The following KHDRBS2 variants were observed in gnomAD, a reference collection of about 807,000 sequenced individuals.
KHDRBS2 encodes KH RNA binding domain containing, signal transduction associated 2, also known as KH domain-containing, RNA-binding, signal transduction-associated protein 2.
A neutral mutation model predicts 44.3 loss-of-function variants in KHDRBS2; 26 were observed. That is an observed-to-expected ratio of 0.59 (90% CI 0.43 to 0.81). The LOEUF (loss-of-function observed/expected upper bound fraction) is 0.81, where lower values mean the gene tolerates loss of function less well. Ranked by LOEUF, KHDRBS2 falls within the 40% of genes least tolerant of loss-of-function variation. The pLI, the probability that KHDRBS2 is intolerant of heterozygous loss-of-function variation, is 0.00. For missense variants in KHDRBS2, 476 were observed against 433.1 expected (o/e 1.10, Z -0.88); for synonymous variants, 194 against 151.1 (o/e 1.28, Z -2.08).
chr6:61,565,998 GGTGTGTGTGTGT>G, the KHDRBS2 span, among the ~76,000 whole-genome samples: 1 of 148,864 alleles, frequency 6.7e-6, no homozygotes, highest in Non-Finnish European at 1.5e-5. Flanking sequence ...AAGAAAATGT[GGTGTGTGTGTGT>G]GTGTGTGTGT....
intron 2 of KHDRBS2, among the ~76,000 whole-genome samples, chr6:62,088,034 C>A (rs1416735352): frequency 6.6e-6 from 1 of 152,170 alleles, no homozygotes; most frequent in Non-Finnish European, 1.5e-5. Context: ...CTGTGTTTTT[C>A]AGCTCCATCA....
chr6:62,167,835 T>C, intron 2 of KHDRBS2, among the ~76,000 whole-genome samples: 1 of 152,194 alleles, frequency 6.6e-6, no homozygotes, highest in Admixed American at 6.6e-5. Flanking sequence ...ATATTTGGCT[T>C]TGAGTCGTAG....
chr6:62,271,271 G>C (rs1438818209), intron 1 of KHDRBS2, among the ~76,000 whole-genome samples: 1 of 152,082 alleles, frequency 6.6e-6, no homozygotes, highest in Non-Finnish European at 1.5e-5. Context: ...CAATGGAGCT[G>C]AAAAACTCCT....
chr6:61,797,071 A>G (rs1431255841), intron 6 of KHDRBS2, among the ~76,000 whole-genome samples: 1 of 152,174 alleles, frequency 6.6e-6, no homozygotes, highest in African/African-American at 2.4e-5. Flanking sequence ...CTGGTTTAAT[A>G]CAGCATTTTC....
intron 7 of KHDRBS2, among the ~76,000 whole-genome samples, chr6:61,711,343 T>A (rs1328117394): frequency 1.3e-5 from 2 of 151,758 alleles, no homozygotes; most frequent in African/African-American, 2.4e-5. Context: ...ATAAGATGTG[T>A]TAGGAAGTAT....
chr6:62,243,808 A>G (rs1213438982), intron 1 of KHDRBS2, among the ~76,000 whole-genome samples: 1 of 152,076 alleles, frequency 6.6e-6, no homozygotes, highest in African/African-American at 2.4e-5. Context: ...TGCTGAGAGG[A>G]TGGGTTAGGT....
chr6:61,718,716 C>G (rs1771848343), intron 7 of KHDRBS2, among the ~76,000 whole-genome samples: 1 of 152,218 alleles, frequency 6.6e-6, no homozygotes, highest in South Asian at 2.1e-4. Flanking sequence ...CAGTTCCTGT[C>G]AGGTGGCCTC....
intron 3 of KHDRBS2, among the ~76,000 whole-genome samples, chr6:62,035,711 G>T (rs1785163705): frequency 6.6e-6 from 1 of 151,978 alleles, no homozygotes; most frequent in Admixed American, 6.6e-5. Context: ...TTTACATGAT[G>T]TGATTATTAC....
At chr6:61,715,706 T>G (rs545713104) in intron 7 of KHDRBS2, among the ~76,000 whole-genome samples, 13 of 152,072 alleles carry the variant, frequency 8.5e-5, no homozygotes. Flanking sequence ...TGAGTGTCTC[T>G]CTTCTTCTCT....
chr6:62,012,063 C>T (rs1780399912), intron 3 of KHDRBS2, among the ~76,000 whole-genome samples: 1 of 151,438 alleles, frequency 6.6e-6, no homozygotes, highest in Non-Finnish European at 1.5e-5. Context: ...ACTGACTTCT[C>T]CCCAGATCTT....
At chr6:61,852,305 C>A (rs932424032) in intron 6 of KHDRBS2, among the ~76,000 whole-genome samples, 3 of 151,476 alleles carry the variant, frequency 2.0e-5, no homozygotes, top group African/African-American at 7.3e-5. Context: ...TTTTTTCACG[C>A]CTGTAATCCC....
intron 3 of KHDRBS2, among the ~76,000 whole-genome samples, chr6:62,041,549 T>C (rs1376758830): frequency 1.3e-5 from 2 of 152,126 alleles, no homozygotes; most frequent in Admixed American, 1.3e-4. Context: ...TGTGATTCTC[T>C]CATTTCACTC....
intron 2 of KHDRBS2, among the ~76,000 whole-genome samples, chr6:62,115,883 T>C (rs1311767208): frequency 1.3e-5 from 2 of 152,072 alleles, no homozygotes; most frequent in African/African-American, 4.8e-5. Context: ...AAAGGCCCAA[T>C]ATTAAGAAGC....
In KHDRBS2 at chr6:61,876,013, A is replaced by ATTAT. The variant is rs1411647828; in HGVS notation, c.810+18618_810+18621dup. On this transcript the variant is annotated intron_variant, in intron 6 of 8. Coordinates refer to ENST00000281156, the MANE Select transcript of KHDRBS2 (RefSeq NM_152688.4). ...TTAAAACAATGTCATAGAAAAAGAC[A>ATTAT]TTATTTATTTATTTATTTGTAAATG... Among the ~76,000 whole-genome samples the ATTAT allele has an allele frequency of 7.9e-5, 12 of 152,182 alleles. No individual in the cohort carries two copies. In the East Asian group the frequency reaches 2.1e-3, roughly 27 times the overall value.
the KHDRBS2 span, among the ~76,000 whole-genome samples, chr6:61,571,207 A>C: frequency 2.0e-5 from 3 of 152,106 alleles, no homozygotes; most frequent in Non-Finnish European, 2.9e-5. Flanking sequence ...ACATAAACTT[A>C]TGGTAAAGGG....
intron 1 of KHDRBS2, among the ~76,000 whole-genome samples, chr6:62,284,369 T>A (rs1292661844): frequency 1.3e-5 from 2 of 152,154 alleles, no homozygotes. Flanking sequence ...GGAAAATATA[T>A]TGAAGACTAT....
chr6:62,284,845 T>C (rs1412874629), intron 1 of KHDRBS2, among the ~76,000 whole-genome samples: 1 of 152,176 alleles, frequency 6.6e-6, no homozygotes, highest in African/African-American at 2.4e-5. Context: ...CTCAAAAAAA[T>C]CTTTTAATAC....
the KHDRBS2 span, among the ~76,000 whole-genome samples, chr6:61,602,480 A>T: frequency 2.0e-5 from 3 of 151,848 alleles, no homozygotes; most frequent in African/African-American, 7.3e-5. Flanking sequence ...GGACTGTTCA[A>T]CTCACCTGGC....
intron 3 of KHDRBS2, among the ~76,000 whole-genome samples, chr6:62,017,151 C>T (rs1047789823): frequency 1.3e-5 from 2 of 152,080 alleles, no homozygotes; most frequent in African/African-American, 4.8e-5. Flanking sequence ...GTTCTTTCTT[C>T]CTAATCTTCA....
Sources: allele counts gnomAD v4.1 joint callset (sites outside exome capture counted in the v4.1 genomes callset), GRCh38; gene constraint gnomAD v4.1.1; transcripts MANE v1.5; gene names NCBI Gene and HGNC (gene_info 2026-07-23, HGNC 2026-07-21).